The following PPP2R2B variants were observed in gnomAD, a reference collection of about 807,000 sequenced individuals.
The protein encoded by PPP2R2B is serine/threonine-protein phosphatase 2A 55 kDa regulatory subunit B beta isoform.
A neutral mutation model predicts 46.0 loss-of-function variants in PPP2R2B; 5 were observed. The observed-to-expected ratio is 0.11, with a 90% confidence interval of 0.06 to 0.23. The LOEUF (loss-of-function observed/expected upper bound fraction) is 0.23. Among genes scored for constraint, PPP2R2B ranks in the 10% least tolerant of loss-of-function variants. The pLI is 1.00. For synonymous variants in PPP2R2B, 215 were observed against 206.7 expected (o/e 1.04, Z -0.34); for missense variants, 367 against 575.0 (o/e 0.64, Z 3.70).
intron 6 of PPP2R2B, among the ~76,000 whole-genome samples, chr5:146,644,234 C>CAAAA (rs58634387): frequency 9.9e-5 from 6 of 60,656 alleles, no homozygotes; most frequent in Admixed American, 4.2e-4. Flanking sequence ...AGGAAAGTTT[C>CAAAA]AAAAAAAAAA....
At chr5:146,704,160 A>T (rs1185601793) in intron 2 of PPP2R2B, among the ~76,000 whole-genome samples, 1 of 152,202 alleles carries the variant, frequency 6.6e-6, no homozygotes, top group Non-Finnish European at 1.5e-5. Context: ...TGACTGTTTA[A>T]TAATTGATGC....
chr5:146,721,697 C>A (rs372890754), intron 2 of PPP2R2B, among the ~76,000 whole-genome samples: 5 of 152,316 alleles, frequency 3.3e-5, no homozygotes, highest in African/African-American at 1.2e-4. Context: ...ATCATTAAGG[C>A]GAAACATTTA....
chr5:146,717,015 C>T (rs1012434374), intron 2 of PPP2R2B, among the ~76,000 whole-genome samples: 22 of 152,204 alleles, frequency 1.4e-4, no homozygotes, highest in African/African-American at 5.3e-4. Flanking sequence ...AAATGGTTCA[C>T]AACTGGAGAT....
intron 1 of PPP2R2B, among the ~76,000 whole-genome samples, chr5:146,925,498 G>A (rs1763753095): frequency 1.3e-5 from 2 of 152,258 alleles, no homozygotes; most frequent in South Asian, 4.1e-4. Context: ...TAGATGAGAA[G>A]CCAGCTTAAT....
rs530084746 is a variant in PPP2R2B at position 146,781,127 on chromosome 5, C to A, written c.71-79985G>T. Among the ~76,000 whole-genome samples, 170 of 52,088 alleles carry A rather than the reference C, an allele frequency of 3.3e-3. 2 individuals are homozygous for A. Among genetic ancestry groups the A allele is most frequent in the African/African-American group, 9.4e-3 (155 of 16,454 alleles). 34.2% of individuals were successfully genotyped at this position (52,088 alleles called of 152,430 possible). A position where few individuals can be genotyped will look rare whatever the true frequency, so the allele number is the denominator to read the frequency against. On this transcript the variant is annotated intron_variant, in intron 2 of 9. Transcript: ENST00000394411. ...TATTTCACTTACATACATAATGCCA[C>A]CATGATATATATATATATATATATA...
chr5:146,888,370 C>T (rs1032763914), intron 1 of PPP2R2B, among the ~76,000 whole-genome samples: 3 of 152,114 alleles, frequency 2.0e-5, no homozygotes, highest in Non-Finnish European at 4.4e-5. Context: ...TCTTTTCAAT[C>T]CTGCCTGCTC....
intron 1 of PPP2R2B, among the ~76,000 whole-genome samples, chr5:146,934,583 GAAAAAA>G (rs3062352): frequency 9.5e-5 from 3 of 31,490 alleles, no homozygotes; most frequent in Non-Finnish European, 1.3e-4. Context: ...TTTTTCATAA[GAAAAAA>G]AAAAAAAAAA....
chr5:146,616,850 C>G (rs1290205201), intron 7 of PPP2R2B: 1 of 152,194 alleles, frequency 6.6e-6, no homozygotes, highest in African/African-American at 2.4e-5. Flanking sequence ...ACTATATGAT[C>G]CAGCAATCCC....
chr5:146,877,962 G>T, intron 2 of PPP2R2B, 40 bp downstream of exon 2: 1 of 1,596,110 alleles, frequency 6.3e-7, no homozygotes. Flanking sequence ...CGCAACTTGC[G>T]CCCGGCCCCA....
rs143170240 is a variant in PPP2R2B, at chr5:146,739,491, T to C, written c.71-38349A>G. On this transcript the variant is annotated intron_variant, in intron 2 of 9. Coordinates refer to ENST00000394411, the MANE Select transcript of PPP2R2B (RefSeq NM_181675.4). ...TCATATGAAGACTCATAGAACATGGTACATTTGGGGACCAACAGAGATTTC... is the reference window on the plus strand; with the variant it reads ...TCATATGAAGACTCATAGAACATGGCACATTTGGGGACCAACAGAGATTTC... Among the ~76,000 whole-genome samples the C allele has an allele frequency of 7.0e-4, 106 of 152,158 alleles. No homozygotes were observed. In the East Asian group the frequency reaches 0.014, roughly 20 times the overall value.
At chr5:146,749,607 T>C (rs1279345909) in intron 2 of PPP2R2B, among the ~76,000 whole-genome samples, 2 of 127,262 alleles carry the variant, frequency 1.6e-5, no homozygotes, top group African/African-American at 7.1e-5. Context: ...TTTTCTTTTC[T>C]TTTTTTTTTT....
chr5:147,000,971 A>G (rs749956083), intron 1 of PPP2R2B, among the ~76,000 whole-genome samples: 7 of 152,044 alleles, frequency 4.6e-5, no homozygotes, highest in South Asian at 2.1e-4. Flanking sequence ...GTGGGTTTGC[A>G]TTTTCTTTAT....
At chr5:146,651,513 T>C (rs1040365241) in intron 5 of PPP2R2B, among the ~76,000 whole-genome samples, 2 of 152,204 alleles carry the variant, frequency 1.3e-5, no homozygotes, top group African/African-American at 4.8e-5. Flanking sequence ...TTCCCACACA[T>C]GACCGTCTTT....
chr5:146,987,577 G>A (rs11167955), intron 1 of PPP2R2B, among the ~76,000 whole-genome samples: 1 of 151,388 alleles, frequency 6.6e-6, no homozygotes, highest in South Asian at 2.1e-4. Context: ...GCTTATTATA[G>A]CTATACATTT....
chr5:146,641,513 TTTTTTTTTTTTTTTTTG>T lies in PPP2R2B; in HGVS notation c.626-3115_626-3099del, dbSNP rs1341510733. ...TTTATGTGCTCTAAGATTTTTTTTT[TTTTTTTTTTTTTTTTTG>T]AAGCAGAATTTGGGACACAAGCCTG... On this transcript the variant is annotated intron_variant, in intron 6 of 9. Transcript: ENST00000394411. 4.0e-4 allele frequency among the ~76,000 whole-genome samples: 6 copies of T among 14,878 alleles called. 1 individual carries two copies. The East Asian group carries it at 0.02, about 51-fold the overall frequency. 9.8% of individuals were successfully genotyped at this position (14,878 alleles called of 152,430 possible).
chr5:146,953,500 G>C (rs902217984), intron 1 of PPP2R2B, among the ~76,000 whole-genome samples: 6 of 152,006 alleles, frequency 3.9e-5, no homozygotes, highest in Non-Finnish European at 8.8e-5. Context: ...GTTAGGGGAG[G>C]AAAGGCAAAA....
chr5:146,736,476 C>A (rs1752545883), intron 2 of PPP2R2B, among the ~76,000 whole-genome samples: 1 of 152,152 alleles, frequency 6.6e-6, no homozygotes, highest in African/African-American at 2.4e-5. Flanking sequence ...GGAGAGATAA[C>A]TAACTTGCTC....
At chr5:147,018,001 C>A (rs1353902479) in intron 1 of PPP2R2B, among the ~76,000 whole-genome samples, 3 of 151,084 alleles carry the variant, frequency 2.0e-5, no homozygotes, top group Non-Finnish European at 4.4e-5. Flanking sequence ...ATCTTCCAGG[C>A]CCAGATGAAT....
intron 1 of PPP2R2B, among the ~76,000 whole-genome samples, chr5:146,930,268 C>T (rs2151821268): frequency 6.6e-6 from 1 of 152,218 alleles, no homozygotes; most frequent in East Asian, 1.9e-4. Flanking sequence ...GCAGCACAGG[C>T]AGAAGGAACA....
Sources: gnomAD v4.1 joint callset for allele counts (sites outside exome capture counted in the v4.1 genomes callset) on GRCh38, gnomAD v4.1.1 for gene constraint, MANE v1.5 for transcripts, NCBI Gene and HGNC (gene_info 2026-07-23, HGNC 2026-07-21) for gene names.